The following CTSO variants were observed in gnomAD, a reference collection of about 807,000 sequenced individuals.
CTSO encodes the protein cathepsin O.
A neutral mutation model predicts 42.4 loss-of-function variants in CTSO; 40 were observed. That is an observed-to-expected ratio of 0.94 (90% CI 0.73 to 1.23). The LOEUF is 1.23. Ranked by LOEUF, CTSO falls within the 50% of genes most tolerant of loss-of-function variation. The probability of loss-of-function intolerance (pLI) is 0.00; values close to 1 mark genes in which losing one functional copy is unlikely to be tolerated. For synonymous variants in CTSO, 156 were observed against 146.2 expected (o/e 1.07, Z -0.48); for missense variants, 441 against 396.0 (o/e 1.11, Z -0.96).
chr4:155,935,225 G>A (rs936713577), intron 5 of CTSO, among the ~76,000 whole-genome samples: 14 of 152,100 alleles, frequency 9.2e-5, no homozygotes, highest in Admixed American at 2.0e-4. Flanking sequence ...ACCTCCTGCC[G>A]TGATTCTGAA....
intron 7 of CTSO, among the ~76,000 whole-genome samples, chr4:155,926,434 A>G (rs1171038008): frequency 6.6e-6 from 1 of 152,258 alleles, no homozygotes; most frequent in Non-Finnish European, 1.5e-5. Context: ...ATACAATTTC[A>G]TAACTCAAAT....
chr4:155,952,857 C>T, intron 1 of CTSO, among the ~76,000 whole-genome samples: 1 of 152,074 alleles, frequency 6.6e-6, no homozygotes, highest in East Asian at 1.9e-4. Flanking sequence ...ATTTTCTTTT[C>T]CAATAAATTA....
At chr4:155,938,807 T>A (rs1743376338) in intron 4 of CTSO, among the ~76,000 whole-genome samples, 1 of 151,702 alleles carries the variant, frequency 6.6e-6, no homozygotes, top group African/African-American at 2.4e-5. Context: ...AACAAAAAAA[T>A]TAGCCAAGTG....
At position 155,937,771 on chromosome 4, in the gene CTSO, C is replaced by T. The variant is rs902162993; in HGVS notation, c.553-288G>A. Among the ~76,000 whole-genome samples the T allele has an allele frequency of 4.6e-5, 7 of 151,956 alleles. No individual in the cohort carries two copies. In the East Asian group the frequency reaches 5.8e-4, roughly 13 times the overall value. ...CTGTGACTACAGGTATGAGCCACCA[C>T]GCCAGGCTAATTTTTTGTATTTTTT... is the stretch of plus-strand genomic sequence containing the variant. On this transcript the variant is annotated intron_variant, in intron 4 of 7. Coordinates refer to ENST00000433477, the MANE Select transcript of CTSO (RefSeq NM_001334.3).
chr4:155,952,441 T>G (rs1188315889), intron 1 of CTSO, among the ~76,000 whole-genome samples: 3 of 152,224 alleles, frequency 2.0e-5, no homozygotes, highest in African/African-American at 7.2e-5. Flanking sequence ...ACAGTGTGTT[T>G]ATTTATTTAG....
intron 5 of CTSO, among the ~76,000 whole-genome samples, chr4:155,934,563 C>G (rs886641964): frequency 2.0e-5 from 3 of 152,162 alleles, no homozygotes; most frequent in Non-Finnish European, 4.4e-5. Flanking sequence ...GAGGCTGTAC[C>G]CTGCAAAGCA....
chr4:155,929,405 G>T (rs1045992676), intron 6 of CTSO, 137 bp downstream of exon 6: 1 of 812,656 alleles, frequency 1.2e-6, no homozygotes, highest in African/African-American at 1.8e-5. Context: ...ACTCCTATAA[G>T]ATTGTTGAGA....
intron 7 of CTSO, among the ~76,000 whole-genome samples, chr4:155,926,799 G>T (rs1197317356): frequency 6.6e-6 from 1 of 152,170 alleles, no homozygotes; most frequent in African/African-American, 2.4e-5. Context: ...GTAGCTGAGG[G>T]ATGGAGAAAG....
chr4:155,944,548 A>G (rs942318037), intron 1 of CTSO, among the ~76,000 whole-genome samples: 1 of 152,180 alleles, frequency 6.6e-6, no homozygotes, highest in African/African-American at 2.4e-5. Flanking sequence ...GTAGTCAGGA[A>G]GGCACTGAAA....
chr4:155,933,717 T>C (rs1006024030), intron 5 of CTSO, among the ~76,000 whole-genome samples: 2 of 152,152 alleles, frequency 1.3e-5, no homozygotes, highest in Non-Finnish European at 2.9e-5. Context: ...CTTGTTATGT[T>C]TTAGCAACCA....
At position 155,929,537 on chromosome 4, in the gene CTSO, C is replaced by A; in HGVS notation, c.838+5G>T. 6.2e-7 allele frequency: 1 copy of A among 1,611,018 alleles called. No individual in the cohort carries two copies. Among genetic ancestry groups the A allele is most frequent in the Admixed American group, 1.7e-5 (1 of 59,752 alleles). On this transcript the variant is annotated splice_donor_5th_base_variant and intron_variant, in intron 6 of 7. Coordinates refer to ENST00000433477, the MANE Select transcript of CTSO (RefSeq NM_001334.3). Reference sequence around the variant, plus strand: ...AGCAGTCAACTGAGTCTTATCAGCACTTACCTGTTTTATCAAACCCAGTTA... The same window carrying A: ...AGCAGTCAACTGAGTCTTATCAGCAATTACCTGTTTTATCAAACCCAGTTA...
rs1294980748 is a variant in CTSO, at chr4:155,929,590, T to C, written c.790A>G (p.Ser264Gly). The stretch of plus-strand genomic sequence containing the variant: ...AGAACTGCATGATTTGCTTCTCCAC[T>C]AGAGCAGTGATGCTGTATAATGCCT... ...LGGIIQHHCS[S>G]GEANHAVLIT... Residue 264 changes from serine (S) to glycine (G), a missense_variant, in exon 6 of 8, where the codon AGT becomes GGT. Coordinates refer to ENST00000433477, the MANE Select transcript of CTSO (RefSeq NM_001334.3). 2.5e-6 allele frequency: 4 copies of C among 1,613,828 alleles called. No individual in the cohort carries two copies. The African/African-American group carries it at 5.3e-5, about 22-fold the overall frequency.
intron 3 of CTSO, among the ~76,000 whole-genome samples, chr4:155,939,860 A>G (rs1025961930): frequency 6.6e-6 from 1 of 152,162 alleles, no homozygotes; most frequent in African/African-American, 2.4e-5. Flanking sequence ...AGTTCACTGA[A>G]TATGTGACTT....
At chr4:155,950,866 G>A (rs764797782) in intron 1 of CTSO, among the ~76,000 whole-genome samples, 6 of 148,924 alleles carry the variant, frequency 4.0e-5, no homozygotes, top group Non-Finnish European at 5.9e-5. Flanking sequence ...CCACACCCCA[G>A]TCCGTGGAAA....
At chr4:155,948,090 G>A (rs1743580345) in intron 1 of CTSO, among the ~76,000 whole-genome samples, 1 of 151,954 alleles carries the variant, frequency 6.6e-6, no homozygotes. Context: ...GTTGTTAAAT[G>A]TGTTTAATTG....
At chr4:155,935,538 C>T (rs931104896) in intron 5 of CTSO, among the ~76,000 whole-genome samples, 1 of 152,076 alleles carries the variant, frequency 6.6e-6, no homozygotes, top group South Asian at 2.1e-4. Flanking sequence ...TGAACATAAC[C>T]TTTTCAGTGA....
At chr4:155,937,607 T>G (rs1743352582) in intron 4 of CTSO, 124 bp from the exon 5 acceptor site, 2 of 925,006 alleles carry the variant, frequency 2.2e-6, no homozygotes, top group East Asian at 5.2e-5. Flanking sequence ...ATACTTTGCG[T>G]TCTTTTTTTT....
rs922482186 is a variant in CTSO, at chr4:155,943,205, G to T, written c.195C>A (p.Ala65=). 6.2e-7 allele frequency: 1 copy of T among 1,612,346 alleles called. No individual in the cohort carries two copies. The highest frequency in any genetic ancestry group is 8.5e-7 in the Non-Finnish European group (1 of 1,178,840). The part of the protein sequence containing the change: ...NSLFPSENST[A]FYGINQFSYL... ...AGGAAAACTGATTTATTCCATAGAA[G>T]GCGGTGGAGTTTTCACTGGGAAATA... The change falls in exon 2 of 8, where the codon GCC becomes GCA. Residue 65 remains alanine, a synonymous_variant. Transcript: ENST00000433477.
chr4:155,945,090 C>T (rs1481174153), intron 1 of CTSO, among the ~76,000 whole-genome samples: 1 of 151,692 alleles, frequency 6.6e-6, no homozygotes, highest in Non-Finnish European at 1.5e-5. Flanking sequence ...AAGCCTGTCT[C>T]TACTAAAAAT....
Sources: gnomAD v4.1 joint callset for allele counts (sites outside exome capture counted in the v4.1 genomes callset) on GRCh38, gnomAD v4.1.1 for gene constraint, MANE v1.5 for transcripts, NCBI Gene and HGNC (gene_info 2026-07-23, HGNC 2026-07-21) for gene names.